Variants in LRRN1 observed in about 807,000 individuals in gnomAD.
The protein encoded by LRRN1 is leucine-rich repeat neuronal protein 1.
LRRN1 carries 14 observed loss-of-function variants against 45.8 expected under a neutral mutation model. The ratio of observed to expected loss-of-function variants is 0.31; its 90% CI spans 0.20 to 0.48. LRRN1 has a LOEUF of 0.48. Among genes scored for constraint, LRRN1 ranks in the 20% least tolerant of loss-of-function variants. The pLI is 0.99. For missense variants in LRRN1, 789 were observed against 874.2 expected, an observed-to-expected ratio of 0.90 and a Z score of 1.23; for synonymous variants, 359 against 330.1, an observed-to-expected ratio of 1.09 and a Z score of -0.95.
chr3:3,841,718 C>T (rs935097608), intron 1 of LRRN1, among the ~76,000 whole-genome samples: 25 of 152,160 alleles, frequency 1.6e-4, no homozygotes, highest in African/African-American at 5.5e-4. Context: ...AGGGTTTCAC[C>T]ATGTTGGTCA....
In LRRN1 at chr3:3,816,322, T is replaced by G. The variant is rs912441198; in HGVS notation, c.-279+16403T>G. 6.6e-6 allele frequency among the ~76,000 whole-genome samples: 1 copy of G among 152,162 alleles called. No homozygotes were observed. Among genetic ancestry groups the G allele is most frequent in the Non-Finnish European group, 1.5e-5 (1 of 68,022 alleles). ...TGGACCATTAGTTTCAAATGCATACTAAGATAGGGGAACACATTGGCATCA... is the reference window on the plus strand; with the variant it reads ...TGGACCATTAGTTTCAAATGCATACGAAGATAGGGGAACACATTGGCATCA... On this transcript the variant is annotated intron_variant, in intron 1 of 1. Transcript: ENST00000319331. The surrounding 1 kb of genome is among the most constrained non-coding windows in gnomAD (Gnocchi z 4.0).
intron 1 of LRRN1, among the ~76,000 whole-genome samples, chr3:3,840,884 T>G (rs1464969548): frequency 1.3e-5 from 2 of 152,212 alleles, no homozygotes; most frequent in African/African-American, 4.8e-5. Flanking sequence ...TATAATAATG[T>G]TGAACCTATA....
chr3:3,805,907 T>A (rs1472807204), intron 1 of LRRN1, among the ~76,000 whole-genome samples: 2 of 152,226 alleles, frequency 1.3e-5, no homozygotes, highest in Non-Finnish European at 2.9e-5. Flanking sequence ...GCTTGATTTT[T>A]CTGCAGCTTG....
intron 1 of LRRN1, among the ~76,000 whole-genome samples, chr3:3,813,354 G>A (rs1267526652): frequency 6.6e-6 from 1 of 152,198 alleles, no homozygotes; most frequent in Non-Finnish European, 1.5e-5. Context: ...CACTGAGTTA[G>A]CATTTTGCCC....
At chr3:3,834,232 A>T (rs550591223) in intron 1 of LRRN1, among the ~76,000 whole-genome samples, 7 of 152,114 alleles carry the variant, frequency 4.6e-5, no homozygotes, top group African/African-American at 1.7e-4. Flanking sequence ...ACATATGGTC[A>T]AAGGCATTAT....
intron 1 of LRRN1, among the ~76,000 whole-genome samples, chr3:3,825,330 C>T (rs887961458): frequency 3.3e-5 from 5 of 152,050 alleles, no homozygotes; most frequent in African/African-American, 1.2e-4. Context: ...TTGGGCTTTT[C>T]CCAGAGATGT....
chr3:3,802,952 T>C (rs570436168), intron 1 of LRRN1, among the ~76,000 whole-genome samples: 18 of 151,828 alleles, frequency 1.2e-4, no homozygotes, highest in Non-Finnish European at 2.5e-4. Flanking sequence ...AAGGACAGAT[T>C]AGAACTCATT....
At chr3:3,825,295 C>T (rs572172979) in intron 1 of LRRN1, among the ~76,000 whole-genome samples, 5 of 152,290 alleles carry the variant, frequency 3.3e-5, no homozygotes, top group African/African-American at 1.2e-4. Context: ...AGCTTTTATG[C>T]TCGACTTGGA....
intron 1 of LRRN1, among the ~76,000 whole-genome samples, chr3:3,803,481 T>A (rs1203217002): frequency 6.6e-6 from 1 of 152,226 alleles, no homozygotes; most frequent in African/African-American, 2.4e-5. Flanking sequence ...ATTTCAGCAC[T>A]AATGTCAGGT....
intron 1 of LRRN1, among the ~76,000 whole-genome samples, chr3:3,828,615 A>G (rs1693283180): frequency 6.6e-6 from 1 of 152,152 alleles, no homozygotes; most frequent in African/African-American, 2.4e-5. Flanking sequence ...ATTACCTTAA[A>G]TAGAGACAAT....
rs1327071620 is a variant in LRRN1 at position 3,846,099 on chromosome 3, A to G, written c.1458A>G (p.Ile486Met). ...TAAGTAGCGAAGGTACCTTGGAAAT[A>G]TCTAACATACAAATTGAAGACTCAG... The part of the protein sequence containing the change: ...YKLSSEGTLE[I>M]SNIQIEDSGR... Residue 486 changes from isoleucine to methionine, a missense_variant, in exon 2 of 2, where the codon ATA becomes ATG. Transcript: ENST00000319331. This position sits in a 1 kb window ranked among gnomAD's most constrained non-coding sequence, Gnocchi z 5.7. 1.2e-6 allele frequency: 2 copies of G among 1,614,112 alleles called. No homozygotes were observed. The highest frequency in any genetic ancestry group is 1.7e-4 in the Middle Eastern group (1 of 6,060).
At chr3:3,812,561 T>C (rs1231139453) in intron 1 of LRRN1, among the ~76,000 whole-genome samples, 1 of 152,180 alleles carries the variant, frequency 6.6e-6, no homozygotes, top group Non-Finnish European at 1.5e-5. Flanking sequence ...AAGGCAGAAC[T>C]TGTACAAAGT....
rs767166680 is a variant in LRRN1, at chr3:3,846,740, C to A, written c.2099C>A (p.Ala700Glu). 1.2e-6 allele frequency: 2 copies of A among 1,613,786 alleles called. No homozygotes were observed. Among genetic ancestry groups the A allele is most frequent in the Non-Finnish European group, 1.7e-6 (2 of 1,179,932 alleles). Residue 700 changes from alanine to glutamate, a missense_variant, in exon 2 of 2, where the codon GCA (alanine) becomes GAA (glutamate). Ala to Glu is a moderately radical substitution (Grantham distance 107). Transcript: ENST00000319331. The surrounding 1 kb of genome is among the most constrained non-coding windows in gnomAD (Gnocchi z 5.7). ...AGCGAGAAAGACAAAGATGGTTCTG[C>A]AGACACCAAGCCAACCCAGGTCGAC... Reference protein sequence around the residue: ...GDSEKDKDGSADTKPTQVDTS... With the variant: ...GDSEKDKDGSEDTKPTQVDTS...
chr3:3,840,243 T>C (rs2106469186), intron 1 of LRRN1, among the ~76,000 whole-genome samples: 1 of 152,340 alleles, frequency 6.6e-6, no homozygotes, highest in East Asian at 1.9e-4. Context: ...CATGTGTTTT[T>C]ACTTCTTCAT....
chr3:3,841,764 C>G (rs937416521), intron 1 of LRRN1, among the ~76,000 whole-genome samples: 3 of 152,134 alleles, frequency 2.0e-5, no homozygotes, highest in Admixed American at 6.5e-5. Context: ...TGATCTGCCC[C>G]CTGCCAGCCT....
chr3:3,818,567 G>A (rs532855879), intron 1 of LRRN1, among the ~76,000 whole-genome samples: 75 of 152,150 alleles, frequency 4.9e-4, no homozygotes, highest in Admixed American at 3.2e-3. Flanking sequence ...TTTTCCCGTC[G>A]TCCTACTTTC....
intron 1 of LRRN1, among the ~76,000 whole-genome samples, chr3:3,809,156 T>C (rs937917037): frequency 1.3e-5 from 2 of 152,066 alleles, no homozygotes; most frequent in South Asian, 4.2e-4. Context: ...GATTTTTTTT[T>C]CTTTAAGATG....
intron 1 of LRRN1, among the ~76,000 whole-genome samples, chr3:3,842,421 G>C (rs536376300): frequency 6.6e-6 from 1 of 151,284 alleles, no homozygotes; most frequent in East Asian, 1.9e-4. Context: ...TTTATTGTTA[G>C]ACCAGTAATG....
intron 1 of LRRN1, among the ~76,000 whole-genome samples, chr3:3,823,328 C>T (rs1296945865): frequency 6.6e-6 from 1 of 151,798 alleles, no homozygotes; most frequent in African/African-American, 2.4e-5. Flanking sequence ...GCAGGTATAT[C>T]TCTATGCATC....
Sources: gnomAD v4.1 joint callset for allele counts (sites outside exome capture counted in the v4.1 genomes callset) on GRCh38, gnomAD v4.1.1 for gene constraint, Gnocchi (gnomAD v3.1) non-coding constraint, MANE v1.5 for transcripts, NCBI Gene and HGNC (gene_info 2026-07-23, HGNC 2026-07-21) for gene names.